PDLIM5: variants seen among roughly 807,000 people sequenced by gnomAD.
PDLIM5 encodes PDZ and LIM domain 5.
In PDLIM5, 34 loss-of-function variants were observed where a neutral mutation model predicts 64.2. The ratio of observed to expected loss-of-function variants is 0.53; its 90% CI spans 0.40 to 0.71. The LOEUF is 0.71. PDLIM5 is among the 30% of genes least tolerant of loss of function. PDLIM5 has a pLI of 0.00. For missense variants in PDLIM5, 683 were observed against 733.6 expected (o/e 0.93, Z 0.80); for synonymous variants, 253 against 269.1 (o/e 0.94, Z 0.59).
intron 4 of PDLIM5, among the ~76,000 whole-genome samples, chr4:94,575,231 T>TA (rs1361029317): frequency 6.6e-6 from 1 of 152,148 alleles, no homozygotes; most frequent in Non-Finnish European, 1.5e-5. Flanking sequence ...TATTTTAACA[T>TA]AAAAAACACC....
Position 94,456,983 on chromosome 4 carries a change from T to C in PDLIM5, c.96+1599T>C, listed in dbSNP as rs144498710. On this transcript the variant is annotated intron_variant, in intron 2 of 12. Coordinates refer to ENST00000317968, the MANE Select transcript of PDLIM5 (RefSeq NM_006457.5). ...TTATGCTGTGCTGCCTCTTTAATAA[T>C]TCACTTTACCTTAAATTTAGTTAGT... 588 of 986,104 alleles carry C rather than the reference T, an allele frequency of 6.0e-4. No individual in the cohort carries two copies. The African/African-American group carries it at 9.1e-3, about 15-fold the overall frequency. 61.1% of individuals were successfully genotyped at this position (986,104 alleles called of 1,614,324 possible).
chr4:94,609,552 C>T (rs1738192568), intron 7 of PDLIM5, among the ~76,000 whole-genome samples: 1 of 152,132 alleles, frequency 6.6e-6, no homozygotes, highest in Admixed American at 6.5e-5. Flanking sequence ...ATCATATTCA[C>T]TGTAACATTG....
chr4:94,634,630 T>C (rs73834226), intron 8 of PDLIM5, among the ~76,000 whole-genome samples: 3,075 of 152,258 alleles, frequency 0.02, 115 homozygotes, highest in African/African-American at 0.07. Context: ...ATCAACTGAT[T>C]AACTTCATGC....
intron 3 of PDLIM5, among the ~76,000 whole-genome samples, chr4:94,560,831 A>G (rs1733773590): frequency 6.6e-6 from 1 of 152,138 alleles, no homozygotes; most frequent in Non-Finnish European, 1.5e-5. Context: ...GGTTCACGCC[A>G]TTCTCCTGCC....
At chr4:94,575,415 A>C (rs1265682151) in intron 4 of PDLIM5, among the ~76,000 whole-genome samples, 1 of 152,120 alleles carries the variant, frequency 6.6e-6, no homozygotes. Flanking sequence ...TAATGTGTGC[A>C]TCTGTGTTAT....
rs186342034 is a variant in PDLIM5, at chr4:94,456,182, C to G, written c.96+798C>G. 1,849 of 441,946 alleles carry G rather than the reference C, an allele frequency of 4.2e-3. 8 individuals carry two copies. The highest frequency in any genetic ancestry group is 7.3e-3 in the Middle Eastern group (12 of 1,644). The allele number at this position is 441,946 out of a possible 1,614,324, so 27.4% of individuals were successfully genotyped here. A position where few individuals can be genotyped will look rare whatever the true frequency, so the allele number is the denominator to read the frequency against. ...ATATGAATTTCCATCTTCTTTTACT[C>G]AAATGGTGGCATATTATACACACAG... On this transcript the variant is annotated intron_variant, in intron 2 of 12. Transcript: ENST00000317968.
intron 9 of PDLIM5, among the ~76,000 whole-genome samples, chr4:94,648,568 G>A (rs894816076): frequency 1.3e-5 from 2 of 152,176 alleles, no homozygotes; most frequent in African/African-American, 4.8e-5. Flanking sequence ...CCAAAATGCT[G>A]GGATTATAGG....
intron 8 of PDLIM5, among the ~76,000 whole-genome samples, chr4:94,626,261 T>A (rs28582311): frequency 0.13 from 19,923 of 152,216 alleles, 1,698 homozygotes; most frequent in Non-Finnish European, 0.2. Flanking sequence ...ATGACTATCA[T>A]TGATTAGTAG....
At chr4:94,655,836 T>C (rs1578554034) in intron 10 of PDLIM5, among the ~76,000 whole-genome samples, 2 of 152,324 alleles carry the variant, frequency 1.3e-5, no homozygotes, top group African/African-American at 2.4e-5. Flanking sequence ...GTCTAGATTG[T>C]ATTTTAGTTA....
At chr4:94,626,512 G>A (rs562828745) in intron 8 of PDLIM5, among the ~76,000 whole-genome samples, 39 of 152,312 alleles carry the variant, frequency 2.6e-4, no homozygotes, top group African/African-American at 8.7e-4. Flanking sequence ...AAGGAGGACT[G>A]TATCTGTTAG....
intron 2 of PDLIM5, among the ~76,000 whole-genome samples, chr4:94,472,762 GAAAT>G (rs890008123): frequency 6.6e-6 from 1 of 152,094 alleles, no homozygotes; most frequent in Admixed American, 6.6e-5. Flanking sequence ...TGAATTTTAT[GAAAT>G]AAATTATAAA....
At chr4:94,516,239 C>T (rs1412833632) in intron 2 of PDLIM5, among the ~76,000 whole-genome samples, 1 of 152,162 alleles carries the variant, frequency 6.6e-6, no homozygotes, top group African/African-American at 2.4e-5. Context: ...TAATTGTCCT[C>T]TTCTGTTTGC....
At chr4:94,621,423 A>G (rs1274270197) in intron 8 of PDLIM5, among the ~76,000 whole-genome samples, 2 of 152,224 alleles carry the variant, frequency 1.3e-5, no homozygotes, top group African/African-American at 4.8e-5. Context: ...GTGCATTTGA[A>G]TACAGAAAGT....
At chr4:94,511,929 A>G (rs1219015878) in intron 2 of PDLIM5, among the ~76,000 whole-genome samples, 2 of 152,176 alleles carry the variant, frequency 1.3e-5, no homozygotes, top group Non-Finnish European at 2.9e-5. Flanking sequence ...CACTGCTGCA[A>G]CAAACATGAA....
At chr4:94,515,194 C>T (rs1016075526) in intron 2 of PDLIM5, among the ~76,000 whole-genome samples, 1 of 152,054 alleles carries the variant, frequency 6.6e-6, no homozygotes, top group Non-Finnish European at 1.5e-5. Flanking sequence ...GTTGGGTACA[C>T]ATGTGAAAAG....
chr4:94,535,609 G>T (rs1731252363), intron 3 of PDLIM5, among the ~76,000 whole-genome samples: 1 of 152,098 alleles, frequency 6.6e-6, no homozygotes. Context: ...AACAGACTAG[G>T]AATAGAGTAG....
intron 7 of PDLIM5, chr4:94,586,934 T>C (rs1361870134): frequency 6.9e-7 from 1 of 1,438,958 alleles, no homozygotes; most frequent in African/African-American, 1.5e-5. Context: ...TTTCCTTCTA[T>C]TTCTTATGAC....
At chr4:94,486,735 C>T (rs920252530) in intron 2 of PDLIM5, among the ~76,000 whole-genome samples, 1 of 152,212 alleles carries the variant, frequency 6.6e-6, no homozygotes, top group African/African-American at 2.4e-5. Context: ...GGTGCAATGG[C>T]TCATGCCTGC....
At chr4:94,459,651 A>G (rs1723694701) in intron 2 of PDLIM5, among the ~76,000 whole-genome samples, 1 of 152,246 alleles carries the variant, frequency 6.6e-6, no homozygotes, top group South Asian at 2.1e-4. Context: ...GTGCTATAGA[A>G]CTAGACAGTG....
Sources: gnomAD v4.1 joint callset for allele counts (sites outside exome capture counted in the v4.1 genomes callset) on GRCh38, gnomAD v4.1.1 for gene constraint, MANE v1.5 for transcripts, NCBI Gene and HGNC (gene_info 2026-07-23, HGNC 2026-07-21) for gene names.